The following FGFR1 variants were observed in gnomAD, a reference collection of about 807,000 sequenced individuals.
FGFR1 encodes the protein FGFR1/PLAG1 fusion.
FGFR1 carries 18 observed loss-of-function variants against 93.7 expected under a neutral mutation model. That is an observed-to-expected ratio of 0.19 (90% CI 0.13 to 0.28). The LOEUF (loss-of-function observed/expected upper bound fraction) is 0.28. Among genes scored for constraint, FGFR1 ranks in the 10% least tolerant of loss-of-function variants. The probability of loss-of-function intolerance (pLI) is 1.00; values close to 1 mark genes in which losing one functional copy is unlikely to be tolerated. For missense variants in FGFR1, 731 were observed against 1,080.4 expected (o/e 0.68, Z 4.53); for synonymous variants, 448 against 429.3 (o/e 1.04, Z -0.54).
intron 6 of FGFR1, 132 bp downstream of exon 6, chr8:38,425,990 A>C: frequency 1.7e-6 from 2 of 1,206,634 alleles, no homozygotes; most frequent in South Asian, 2.4e-5. Flanking sequence ...TGACCTGCTC[A>C]AGGTGACAAA....
intron 2 of FGFR1, among the ~76,000 whole-genome samples, chr8:38,455,799 C>T (rs2151319303): frequency 6.6e-6 from 1 of 152,290 alleles, no homozygotes; most frequent in Non-Finnish European, 1.5e-5. Flanking sequence ...CAGGTGCTCT[C>T]TGCTCCCCTC....
chr8:38,442,712 A>G (rs1451448973), intron 2 of FGFR1, among the ~76,000 whole-genome samples: 2 of 152,120 alleles, frequency 1.3e-5, no homozygotes, highest in African/African-American at 4.8e-5. Context: ...ACTCAGCAGA[A>G]ATTGTATGGG....
At chr8:38,465,578 T>C (rs906737200) in intron 1 of FGFR1, 41 of 224,604 alleles carry the variant, frequency 1.8e-4, no homozygotes, top group African/African-American at 8.6e-4. Flanking sequence ...CCACTGGGGG[T>C]AGGATATGTA....
Position 38,415,898 on chromosome 8 carries a change from C to T in FGFR1, c.1826G>A (p.Arg609Gln), listed in dbSNP as rs765629435. The T allele has an allele frequency of 3.7e-6, 6 of 1,613,866 alleles. No homozygotes were observed. Among genetic ancestry groups the T allele is most frequent in the East Asian group, 4.5e-5 (2 of 44,884 alleles). The part of the protein sequence containing the change: ...DLVSCAYQVA[R>Q]GMEYLASKKC... ...CTTGGAGGCCAGATACTCCATGCCT[C>T]GGGCCACCTGGTAGGCGCAGGACAC... The change falls in exon 13 of 18, where the codon CGA (arginine) becomes CAA (glutamine). Residue 609 changes from arginine (R) to glutamine (Q), a missense_variant. Physicochemically the swap from Arg to Gln is conservative, Grantham distance 43. Transcript: ENST00000447712.
In FGFR1 at chr8:38,423,335, T is replaced by TTA. The variant is rs1554560012; in HGVS notation, c.936+1173_936+1174insTA. The TTA allele has an allele frequency of 1.1e-3, 597 of 559,728 alleles. 2 individuals carry two copies. The highest frequency in any genetic ancestry group is 0.01 in the African/African-American group (525 of 50,844). 34.7% of individuals were successfully genotyped at this position (559,728 alleles called of 1,614,324 possible). A position where few individuals can be genotyped will look rare whatever the true frequency, so the allele number is the denominator to read the frequency against. ...TAGTTTTTTTTTTTTTTTTTTTTTT[T>TTA]AACGCAGAGTCTCACTCACTCTGTC... On this transcript the variant is annotated intron_variant, in intron 7 of 17. Transcript: ENST00000447712.
chr8:38,417,411 C>T lies in FGFR1; in HGVS notation c.1558G>A (p.Ala520Thr), dbSNP rs749758370. 23 of 1,613,438 alleles carry T rather than the reference C, an allele frequency of 1.4e-5. No individual in the cohort carries two copies. Among genetic ancestry groups the T allele is most frequent in the Non-Finnish European group, 1.7e-5 (20 of 1,179,776 alleles). The change falls in exon 12 of 18, where the codon GCA (alanine) becomes ACA (threonine). Residue 520 changes from alanine (A) to threonine (T), a missense_variant. Ala to Thr is a moderately conservative substitution (Grantham distance 58, BLOSUM62 0). Around this residue, in one of 10 missense-constraint regions of FGFR1, gnomAD observed 62 missense variants for 99.5 expected, o/e 0.62. Transcript: ENST00000447712. ...AGGTCTGACAAGTCTTTCTCTGTTGCGTCCGCTTTAAAGAACACGTTGAGA... is the reference window on the plus strand; with the variant it reads ...AGGTCTGACAAGTCTTTCTCTGTTGTGTCCGCTTTAAAGAACACGTTGAGA... Reference protein sequence around the residue: ...KVAVKMLKSDATEKDLSDLIS... With the variant: ...KVAVKMLKSDTTEKDLSDLIS...
Position 38,418,329 on chromosome 8 carries a change from C to T in FGFR1, c.1329G>A (p.Leu443=), listed in dbSNP as rs753055493. ...SSASMNSGVL[L]VRPSRLSSSG... ...TGGAGGAGAGCCGTGATGGCCGAACCAGAAGAACCCCAGAGTTCATGGATG... is the reference window on the plus strand; with the variant it reads ...TGGAGGAGAGCCGTGATGGCCGAACTAGAAGAACCCCAGAGTTCATGGATG... The change falls in exon 10 of 18, where the codon CTG becomes CTA. Residue 443 remains leucine (L), a synonymous_variant. Coordinates refer to ENST00000447712, the MANE Select transcript of FGFR1 (RefSeq NM_023110.3). 8 of 1,614,198 alleles carry T rather than the reference C, an allele frequency of 5.0e-6. No individual in the cohort carries two copies. The South Asian group carries it at 7.7e-5, about 16-fold the overall frequency.
At chr8:38,445,133 T>A (rs1353386732) in intron 2 of FGFR1, among the ~76,000 whole-genome samples, 2 of 152,198 alleles carry the variant, frequency 1.3e-5, no homozygotes, top group Non-Finnish European at 2.9e-5. Flanking sequence ...GGGCATCGCT[T>A]ACTGGCATCC....
intron 2 of FGFR1, among the ~76,000 whole-genome samples, chr8:38,437,489 G>A (rs530588840): frequency 2.6e-5 from 4 of 152,298 alleles, no homozygotes; most frequent in East Asian, 3.9e-4. Context: ...AGGCTCTGAC[G>A]TCATGAAACA....
chr8:38,416,091 C>T (rs1352600053), intron 12 of FGFR1, 31 bp from the exon 13 acceptor site: 1 of 1,592,526 alleles, frequency 6.3e-7, no homozygotes. Context: ...GCCATGGGGC[C>T]AGCAGCAGGT....
At chr8:38,415,371 G>A (rs1046593134) in intron 13 of FGFR1, among the ~76,000 whole-genome samples, 2 of 152,126 alleles carry the variant, frequency 1.3e-5, no homozygotes, top group Non-Finnish European at 2.9e-5. Context: ...ATGGCTCAGT[G>A]CAGCCTCAAA....
In FGFR1 at chr8:38,429,867, C is replaced by G; in HGVS notation, c.173G>C (p.Arg58Pro). Residue 58 changes from arginine (R) to proline (P), a missense_variant, in exon 3 of 18, where the codon CGG (arginine) becomes CCG (proline). Arg to Pro is a moderately radical substitution (Grantham distance 103). This residue lies in a region of FGFR1 where 212 missense variants were observed against 205.8 expected (regional missense o/e 1.03). Coordinates refer to ENST00000447712, the MANE Select transcript of FGFR1 (RefSeq NM_023110.3). The surrounding 1 kb of genome is among the most constrained non-coding windows in gnomAD (Gnocchi z 4.4). The part of the protein sequence containing the change: ...GDLLQLRCRL[R>P]DDVQSINWLR... ...CCAGTTGATGCTCTGCACATCGTCCCGCAGCCGACAGCGAAGCTGCAGCAG... is the reference window on the plus strand; with the variant it reads ...CCAGTTGATGCTCTGCACATCGTCCGGCAGCCGACAGCGAAGCTGCAGCAG... 2 of 1,614,024 alleles carry G rather than the reference C, an allele frequency of 1.2e-6. No homozygotes were observed. Among genetic ancestry groups the G allele is most frequent in the Non-Finnish European group, 1.7e-6 (2 of 1,180,018 alleles).
chr8:38,425,905 C>G, intron 6 of FGFR1: 1 of 621,258 alleles, frequency 1.6e-6, no homozygotes, highest in Middle Eastern at 4.4e-4. Context: ...ACAGTGACAA[C>G]CAGCTTTGAC....
chr8:38,429,675 T>C lies in FGFR1; in HGVS notation c.358+7A>G, dbSNP rs2150954161. 1 of 1,563,006 alleles carries C rather than the reference T, an allele frequency of 6.4e-7. No individual in the cohort carries two copies. Among genetic ancestry groups the C allele is most frequent in the Non-Finnish European group, 8.7e-7 (1 of 1,153,272 alleles). On this transcript the variant is annotated splice_region_variant and intron_variant, in intron 3 of 17. Transcript: ENST00000447712. The surrounding 1 kb of genome is among the most constrained non-coding windows in gnomAD (Gnocchi z 4.4). ...GGGAGGGGCAAGGGCAGGGCTTGGC[T>C]ACCAACCTGAAACATTGACGGAGAA...
intron 12 of FGFR1, 84 bp from the exon 13 acceptor site, chr8:38,416,144 G>A (rs1177028521): frequency 8.2e-6 from 10 of 1,217,694 alleles, no homozygotes; most frequent in Non-Finnish European, 1.2e-5. Context: ...ACCCCCAGCA[G>A]CACACCCCGG....
In FGFR1 at chr8:38,412,013, C is replaced by G. The variant is rs1814546713; in HGVS notation, c.*1615G>C. ...AGAAGCACTGGCAAAACCATGCCCACATAGAGGGGGCAGACACATGTCTGG... is the reference window on the plus strand; with the variant it reads ...AGAAGCACTGGCAAAACCATGCCCAGATAGAGGGGGCAGACACATGTCTGG... On this transcript the variant is annotated 3_prime_UTR_variant, in exon 18 of 18. Transcript: ENST00000447712. 4.4e-6 allele frequency: 1 copy of G among 229,286 alleles called. No individual in the cohort carries two copies. Among genetic ancestry groups the G allele is most frequent in the South Asian group, 1.8e-4 (1 of 5,498 alleles). 14.2% of individuals were successfully genotyped at this position (229,286 alleles called of 1,614,324 possible).
At chr8:38,460,654 C>G (rs574126630) in intron 1 of FGFR1, among the ~76,000 whole-genome samples, 1 of 152,288 alleles carries the variant, frequency 6.6e-6, no homozygotes, top group South Asian at 2.1e-4. Context: ...ACCCCTCTGG[C>G]CCTCAAGTTT....
At position 38,426,420 on chromosome 8, in the gene FGFR1, ACT is replaced by A. The variant is rs1820778883; in HGVS notation, c.622-177_622-176del. 6.6e-6 allele frequency among the ~76,000 whole-genome samples: 1 copy of A among 151,928 alleles called. No homozygotes were observed. Among genetic ancestry groups the A allele is most frequent in the South Asian group, 2.1e-4 (1 of 4,814 alleles). ...ATTGCCCCCCTACCAGCCCGTTCAC[ACT>A]CTGCAAGCTGGCAGATGGGGTGTAA... is the stretch of plus-strand genomic sequence containing the variant. On this transcript the variant is annotated intron_variant, in intron 5 of 17. Coordinates refer to ENST00000447712, the MANE Select transcript of FGFR1 (RefSeq NM_023110.3). This position sits in a 1 kb window ranked among gnomAD's most constrained non-coding sequence, Gnocchi z 4.1.
At chr8:38,423,568 G>A (rs1819598588) in intron 7 of FGFR1, 2 of 211,976 alleles carry the variant, frequency 9.4e-6, no homozygotes, top group South Asian at 1.4e-4. Context: ...GTGATCTAAA[G>A]TGCTGGGATT....
Sources: allele counts gnomAD v4.1 joint callset (sites outside exome capture counted in the v4.1 genomes callset), GRCh38; gene constraint gnomAD v4.1.1; regional missense constraint gnomAD v4.1.1; non-coding constraint Gnocchi (gnomAD v3.1); transcripts MANE v1.5; gene names NCBI Gene and HGNC (gene_info 2026-07-23, HGNC 2026-07-21).